Variants in GPAT3 observed in about 807,000 individuals in gnomAD.
GPAT3 encodes 1-AGP acyltransferase 9.
In GPAT3, 53 loss-of-function variants were observed where a neutral mutation model predicts 58.8. The ratio of observed to expected loss-of-function variants is 0.90; its 90% CI spans 0.72 to 1.13. The LOEUF is 1.13. Among genes scored for constraint, GPAT3 ranks in the 50% most tolerant of loss-of-function variants. The pLI, the probability that GPAT3 is intolerant of heterozygous loss-of-function variation, is 0.00. For missense variants in GPAT3, 511 were observed against 527.6 expected (o/e 0.97, Z 0.31); for synonymous variants, 197 against 187.4 (o/e 1.05, Z -0.42).
intron 1 of GPAT3, 21 bp from the exon 2 acceptor site, chr4:83,544,515 A>G (rs1724430662): frequency 6.2e-7 from 1 of 1,611,228 alleles, no homozygotes; most frequent in Non-Finnish European, 8.5e-7. Flanking sequence ...GTTTAAATTA[A>G]TATTTCTTGT....
At chr4:83,544,985 G>A (rs1019871807) in intron 2 of GPAT3, among the ~76,000 whole-genome samples, 2 of 152,048 alleles carry the variant, frequency 1.3e-5, no homozygotes, top group South Asian at 4.1e-4. Flanking sequence ...GATTCTCAAA[G>A]TATGTTCCTC....
intron 8 of GPAT3, among the ~76,000 whole-genome samples, 173 bp from the exon 9 acceptor site, chr4:83,597,257 A>G (rs558918785): frequency 6.6e-6 from 1 of 152,332 alleles, no homozygotes; most frequent in East Asian, 1.9e-4. Context: ...AAACCTGCTT[A>G]GTCAGAACTA....
Position 83,536,522 on chromosome 4 carries a change from G to A in GPAT3, c.-101G>A. On this transcript the variant is annotated 5_prime_UTR_variant, in exon 1 of 12. Coordinates refer to ENST00000264409, the MANE Select transcript of GPAT3 (RefSeq NM_032717.5). ...TTCGCAGAGGTGAGTGCCGGGCTCG[G>A]CGCTCTGCTCCTGGAGCTCCCGCGG... 2.0e-6 allele frequency: 3 copies of A among 1,513,136 alleles called. No homozygotes were observed. In the East Asian group the frequency reaches 6.9e-5, roughly 35 times the overall value. The allele number at this position is 1,513,136 out of a possible 1,614,324, so 93.7% of individuals were successfully genotyped here.
intron 11 of GPAT3, among the ~76,000 whole-genome samples, chr4:83,600,069 G>A (rs1244929793): frequency 6.6e-6 from 1 of 152,124 alleles, no homozygotes; most frequent in Non-Finnish European, 1.5e-5. Flanking sequence ...ACCATGGAAA[G>A]CAAAACCTTG....
In GPAT3 at chr4:83,574,624, A is replaced by ATTTTTT. The variant is rs561972057; in HGVS notation, c.209-6890_209-6885dup. 1.7e-3 allele frequency among the ~76,000 whole-genome samples: 93 copies of ATTTTTT among 55,572 alleles called. 2 individuals carry two copies. Among genetic ancestry groups the ATTTTTT allele is most frequent in the Non-Finnish European group, 2.3e-3 (66 of 28,562 alleles). 36.5% of individuals were successfully genotyped at this position (55,572 alleles called of 152,430 possible). The stretch of plus-strand genomic sequence containing the variant: ...AAAGCTGACTTGTAAAGTAAAATGA[A>ATTTTTT]TTTTTTTTTTTTTTTTTTTTTTTTT... On this transcript the variant is annotated intron_variant, in intron 2 of 11. Transcript: ENST00000264409.
chr4:83,565,111 A>T (rs1054287682), intron 2 of GPAT3, among the ~76,000 whole-genome samples: 1 of 151,212 alleles, frequency 6.6e-6, no homozygotes, highest in Non-Finnish European at 1.5e-5. Context: ...TATTTATTTT[A>T]TTTTTTTGAG....
intron 2 of GPAT3, among the ~76,000 whole-genome samples, chr4:83,547,446 G>GT (rs1305976750): frequency 6.6e-6 from 1 of 151,566 alleles, no homozygotes; most frequent in Non-Finnish European, 1.5e-5. Context: ...TAGAGACGGG[G>GT]TTTCACCGTG....
Position 83,536,387 on chromosome 4 carries a change from A to G in GPAT3, c.-236A>G. On this transcript the variant is annotated 5_prime_UTR_variant, in exon 1 of 12. Transcript: ENST00000264409. ...GCACGCCGCGGTGGCTTCAGCCCAG[A>G]CCTGGGCAGCCAGCGGAGAAAGAGT... 7.6e-7 allele frequency: 1 copy of G among 1,321,932 alleles called. No homozygotes were observed. Among genetic ancestry groups the G allele is most frequent in the Non-Finnish European group, 9.7e-7 (1 of 1,034,412 alleles). 81.9% of individuals were successfully genotyped at this position (1,321,932 alleles called of 1,614,324 possible).
intron 2 of GPAT3, among the ~76,000 whole-genome samples, chr4:83,568,535 T>TCTCG (rs1725487158): frequency 6.7e-6 from 1 of 150,326 alleles, no homozygotes; most frequent in African/African-American, 2.5e-5. Context: ...TGAGACGGAG[T>TCTCG]CTCGCTCTGT....
rs756378654 is a variant in GPAT3 at position 83,581,683 on chromosome 4, T to C, written c.330T>C (p.Asp110=). The C allele has an allele frequency of 5.9e-5, 95 of 1,614,056 alleles. No individual in the cohort carries two copies. The highest frequency in any genetic ancestry group is 6.7e-5 in the Non-Finnish European group (79 of 1,180,030). ...SKKGLEAIVE[D]EVTQRFSSEE... Reference sequence around the variant, plus strand: ...AGGGATTGGAAGCCATTGTAGAAGATGAAGTGACCCAGAGGTTTTCCTCAG... The same window carrying C: ...AGGGATTGGAAGCCATTGTAGAAGACGAAGTGACCCAGAGGTTTTCCTCAG... Residue 110 remains aspartate, a synonymous_variant, in exon 3 of 12, where the codon GAT becomes GAC. Coordinates refer to ENST00000264409, the MANE Select transcript of GPAT3 (RefSeq NM_032717.5).
intron 2 of GPAT3, among the ~76,000 whole-genome samples, chr4:83,556,472 TG>T (rs1187792576): frequency 1.3e-5 from 2 of 150,530 alleles, no homozygotes; most frequent in African/African-American, 2.4e-5. Flanking sequence ...CACTCCAGCC[TG>T]GGTGACACAG....
chr4:83,567,438 AT>A lies in GPAT3; in HGVS notation c.209-14123del, dbSNP rs563906773. On this transcript the variant is annotated intron_variant, in intron 2 of 11. Transcript: ENST00000264409. ...AGACCCATTGTAGTGAATTTTATTA[AT>A]AACTTTAAAAATATTTGAATTGTCT... Among the ~76,000 whole-genome samples, 22 of 152,360 alleles carry A rather than the reference AT, an allele frequency of 1.4e-4. 1 individual carries two copies. In the East Asian group the frequency reaches 4.2e-3, roughly 29 times the overall value.
intron 3 of GPAT3, among the ~76,000 whole-genome samples, chr4:83,582,515 G>T (rs552415133): frequency 7.9e-4 from 121 of 152,318 alleles, no homozygotes; most frequent in African/African-American, 2.8e-3. Context: ...TCTGATTAGC[G>T]TGGTGGTAGC....
chr4:83,569,440 C>G (rs1725522208), intron 2 of GPAT3, among the ~76,000 whole-genome samples: 1 of 152,116 alleles, frequency 6.6e-6, no homozygotes, highest in Non-Finnish European at 1.5e-5. Context: ...GGCTGACGGT[C>G]CAGGTTAATA....
At chr4:83,583,924 C>T (rs1726266906) in intron 3 of GPAT3, among the ~76,000 whole-genome samples, 1 of 151,384 alleles carries the variant, frequency 6.6e-6, no homozygotes, top group African/African-American at 2.4e-5. Flanking sequence ...TGCAGTGAGA[C>T]ACTGTATTCC....
At chr4:83,581,019 C>G (rs1726096639) in intron 2 of GPAT3, among the ~76,000 whole-genome samples, 1 of 147,922 alleles carries the variant, frequency 6.8e-6, no homozygotes, top group Non-Finnish European at 1.5e-5. Context: ...TGGCATGAAC[C>G]CGGGAGGCGG....
At chr4:83,535,678 G>A, upstream of GPAT3, 1 of 983,982 alleles carries the variant, frequency 1.0e-6, no homozygotes, top group South Asian at 4.7e-5. Context: ...GGCAACGCGT[G>A]GAGAGAGCTT....
chr4:83,588,426 C>A, intron 5 of GPAT3, 127 bp downstream of exon 5: 1 of 781,228 alleles, frequency 1.3e-6, no homozygotes, highest in Non-Finnish European at 2.1e-6. Flanking sequence ...TTCATCTCTA[C>A]TTCTCAGTGT....
Position 83,578,901 on chromosome 4 carries a change from CTTTTCTT to C in GPAT3, c.209-2644_209-2638del, listed in dbSNP as rs1439977444. On this transcript the variant is annotated intron_variant, in intron 2 of 11. Transcript: ENST00000264409. ...CCCTCCCTTCCCTCCCTCCCTCTTT[CTTTTCTT>C]TTTTCTTTTTTCTTTTCTTTCTTTC... 3.6e-4 allele frequency among the ~76,000 whole-genome samples: 49 copies of C among 135,254 alleles called. 1 individual carries two copies. Among genetic ancestry groups the C allele is most frequent in the South Asian group, 2.2e-3 (8 of 3,678 alleles). 88.7% of individuals were successfully genotyped at this position (135,254 alleles called of 152,430 possible).
Sources: allele counts gnomAD v4.1 joint callset (sites outside exome capture counted in the v4.1 genomes callset), GRCh38; gene constraint gnomAD v4.1.1; transcripts MANE v1.5; gene names NCBI Gene and HGNC (gene_info 2026-07-23, HGNC 2026-07-21).